The following NLGN4X variants were observed in gnomAD, a reference collection of about 807,000 sequenced individuals.
NLGN4X encodes the protein neuroligin-4, X-linked.
NLGN4X carries 3 observed loss-of-function variants against 40.3 expected under a neutral mutation model. The observed-to-expected ratio is 0.07, with a 90% confidence interval of 0.03 to 0.19. The LOEUF is 0.19. Ranked by LOEUF, NLGN4X falls within the 10% of genes least tolerant of loss-of-function variation. The pLI is 1.00. For synonymous variants in NLGN4X, 270 were observed against 306.8 expected (o/e 0.88, Z 1.25); for missense variants, 382 against 708.3 (o/e 0.54, Z 5.23).
intron 3 of NLGN4X, among the ~76,000 whole-genome samples, chrX:5,913,192 C>A (rs1409536587): frequency 9.0e-6 from 1 of 111,128 alleles, no homozygotes; most frequent in Non-Finnish European, 1.9e-5. Flanking sequence ...TTTTTGCAAG[C>A]TTTTTGACAC....
intron 3 of NLGN4X, among the ~76,000 whole-genome samples, chrX:5,948,177 T>G (rs1395886025): frequency 8.9e-6 from 1 of 112,198 alleles, no homozygotes; most frequent in Non-Finnish European, 1.9e-5. Context: ...TTATAATTTG[T>G]TCTTTCCTGT....
intron 2 of NLGN4X, among the ~76,000 whole-genome samples, chrX:6,030,913 C>T (rs892524693): frequency 1.8e-5 from 2 of 111,740 alleles, no homozygotes; most frequent in African/African-American, 6.5e-5. Flanking sequence ...TTTACCATTA[C>T]CAGCGGTTGC....
intron 2 of NLGN4X, among the ~76,000 whole-genome samples, chrX:6,134,958 A>G: frequency 8.9e-6 from 1 of 112,983 alleles, no homozygotes; most frequent in African/African-American, 3.2e-5. Flanking sequence ...TCACCCTGCT[A>G]AACGCTTAGG....
rs55860509 is a variant in NLGN4X, at chrX:5,925,881, CATATATATATATATATATATATAT to C, written c.626-16666_626-16643del. 8.9e-3 allele frequency among the ~76,000 whole-genome samples: 174 copies of C among 19,516 alleles called. 8 individuals are homozygous for C. Among genetic ancestry groups the C allele is most frequent in the South Asian group, 0.057 (11 of 192 alleles). The allele number at this position is 19,516 out of a possible 115,157, so 16.9% of individuals were successfully genotyped here. ...ATATATATATATATATACATACACA[CATATATATATATATATATATATAT>C]ATATATATATATATATATATATATA... On this transcript the variant is annotated intron_variant, in intron 3 of 5. Transcript: ENST00000381095.
At position 6,121,084 on chromosome X, in the gene NLGN4X, T is replaced by G. The variant is rs140848108; in HGVS notation, c.472+29911A>C. On this transcript the variant is annotated intron_variant, in intron 2 of 5. Coordinates refer to ENST00000381095, the MANE Select transcript of NLGN4X (RefSeq NM_181332.3). ...AAATCATTAAATTAGGAGGGAATTCTGCTTAAGGGCTAAGGCCTCTAAAAA... is the reference window on the plus strand; with the variant it reads ...AAATCATTAAATTAGGAGGGAATTCGGCTTAAGGGCTAAGGCCTCTAAAAA... Among the ~76,000 whole-genome samples the G allele has an allele frequency of 3.9e-3, 433 of 110,865 alleles. 2 individuals are homozygous for G. The highest frequency in any genetic ancestry group is 0.013 in the African/African-American group (404 of 30,479).
intron 2 of NLGN4X, among the ~76,000 whole-genome samples, chrX:6,114,175 G>A (rs2039218119): frequency 9.0e-6 from 1 of 111,254 alleles, no homozygotes; most frequent in Non-Finnish European, 1.9e-5. Context: ...TATTCTCTGG[G>A]TTTCTTCTAC....
chrX:6,184,594 T>C (rs995981369), intron 1 of NLGN4X, among the ~76,000 whole-genome samples: 25 of 110,466 alleles, frequency 2.3e-4, no homozygotes, highest in African/African-American at 7.9e-4. Flanking sequence ...CAAGTTGCTA[T>C]CTTCTATTAA....
intron 3 of NLGN4X, among the ~76,000 whole-genome samples, chrX:5,997,169 C>T (rs2035841356): frequency 9.3e-6 from 1 of 107,683 alleles, no homozygotes; most frequent in African/African-American, 3.4e-5. Context: ...AATGCAGACA[C>T]ACTGTGATGA....
At chrX:6,049,423 T>C (rs966581553) in intron 2 of NLGN4X, among the ~76,000 whole-genome samples, 7 of 107,650 alleles carry the variant, frequency 6.5e-5, no homozygotes, top group African/African-American at 1.7e-4. Context: ...AATAAGAGAA[T>C]TGTGTACTAA....
chrX:6,162,527 T>C (rs912179464), intron 1 of NLGN4X, among the ~76,000 whole-genome samples: 24 of 111,802 alleles, frequency 2.1e-4, no homozygotes, highest in African/African-American at 7.5e-4. Context: ...TGCTAGATGC[T>C]TCCTGCCCTC....
intron 4 of NLGN4X, among the ~76,000 whole-genome samples, chrX:5,906,767 G>A (rs993545204): frequency 2.7e-5 from 3 of 111,503 alleles, no homozygotes; most frequent in Non-Finnish European, 3.8e-5. Flanking sequence ...TCCCCGCTCA[G>A]CCTCCCAAAG....
chrX:6,172,128 C>G (rs577862279), intron 1 of NLGN4X, among the ~76,000 whole-genome samples: 1 of 111,678 alleles, frequency 9.0e-6, no homozygotes, highest in Admixed American at 9.5e-5. Context: ...TGTAAATTAC[C>G]CAGTCTCGGG....
chrX:6,142,283 T>C (rs893490065), intron 2 of NLGN4X, among the ~76,000 whole-genome samples: 2 of 112,419 alleles, frequency 1.8e-5, no homozygotes, highest in Admixed American at 9.5e-5. Flanking sequence ...TCCAAACATA[T>C]GTAATTTCTA....
chrX:6,225,899 C>CCCAA (rs369941000), intron 1 of NLGN4X, among the ~76,000 whole-genome samples: 6 of 84,417 alleles, frequency 7.1e-5, no homozygotes, highest in Non-Finnish European at 9.0e-5. Flanking sequence ...CCGCCCCCCC[C>CCCAA]AAAAAAAATG....
At chrX:5,990,143 A>C (rs1028461637) in intron 3 of NLGN4X, among the ~76,000 whole-genome samples, 13 of 107,847 alleles carry the variant, frequency 1.2e-4, no homozygotes, top group African/African-American at 4.4e-4. Flanking sequence ...CCAAACAACA[A>C]GCGGCGAAGA....
chrX:5,936,192 T>TA (rs1403031475), intron 3 of NLGN4X, among the ~76,000 whole-genome samples: 5 of 111,782 alleles, frequency 4.5e-5, no homozygotes, highest in Non-Finnish European at 7.5e-5. Context: ...GCTTGAGGTA[T>TA]AAAAAAATGA....
intron 3 of NLGN4X, among the ~76,000 whole-genome samples, chrX:5,946,994 T>C (rs763453597): frequency 8.9e-6 from 1 of 112,004 alleles, no homozygotes; most frequent in South Asian, 3.7e-4. Context: ...TTCATGTTCC[T>C]GCAAAAGACA....
At chrX:5,950,685 A>G (rs1246614791) in intron 3 of NLGN4X, among the ~76,000 whole-genome samples, 1 of 112,314 alleles carries the variant, frequency 8.9e-6, no homozygotes, top group Non-Finnish European at 1.9e-5. Flanking sequence ...GTCAGTGGGA[A>G]CCCCAAGCCC....
intron 2 of NLGN4X, among the ~76,000 whole-genome samples, chrX:6,069,282 C>T (rs1379675983): frequency 2.4e-5 from 1 of 41,942 alleles, no homozygotes; most frequent in Admixed American, 3.7e-4. Flanking sequence ...AGCAAGACTC[C>T]GTCTCAAAAA....
Sources: allele counts gnomAD v4.1 joint callset (sites outside exome capture counted in the v4.1 genomes callset), GRCh38; gene constraint gnomAD v4.1.1; transcripts MANE v1.5; gene names NCBI Gene and HGNC (gene_info 2026-07-23, HGNC 2026-07-21).